PLSCR5: variants seen among roughly 807,000 people sequenced by gnomAD.
The protein encoded by PLSCR5 is phospholipid scramblase family member 5, also known as phospholipid scramblase family, member 5.
PLSCR5 carries 44 observed loss-of-function variants against 33.6 expected under a neutral mutation model. That is an observed-to-expected ratio of 1.31 (90% CI 1.03 to 1.69). PLSCR5 has a LOEUF of 1.69. PLSCR5 is among the 40% of genes most tolerant of loss of function. The pLI is 0.00. For synonymous variants in PLSCR5, 148 were observed against 112.3 expected (o/e 1.32, Z -2.01); for missense variants, 375 against 318.7 (o/e 1.18, Z -1.34).
At chr3:146,599,466 A>G (rs2044791477) in intron 2 of PLSCR5, among the ~76,000 whole-genome samples, 1 of 151,574 alleles carries the variant, frequency 6.6e-6, no homozygotes, top group Non-Finnish European at 1.5e-5. Flanking sequence ...ACAAATTACA[A>G]TAGTGTGTTT....
intron 2 of PLSCR5, among the ~76,000 whole-genome samples, chr3:146,597,578 T>C (rs2044772289): frequency 6.6e-6 from 1 of 152,210 alleles, no homozygotes; most frequent in African/African-American, 2.4e-5. Flanking sequence ...CTCCTGGATT[T>C]AAGGGAGTTG....
At chr3:146,585,564 TAAAC>T (rs992960053), downstream of PLSCR5, among the ~76,000 whole-genome samples, 1 of 152,100 alleles carries the variant, frequency 6.6e-6, no homozygotes, top group Non-Finnish European at 1.5e-5. Context: ...AGAAAATTAA[TAAAC>T]AAAGTATAAA....
chr3:146,585,925 C>A lies in PLSCR5; in HGVS notation c.*62G>T. 2 of 785,354 alleles carry A rather than the reference C, an allele frequency of 2.5e-6. No homozygotes were observed. The highest frequency in any genetic ancestry group is 3.7e-6 in the Non-Finnish European group (2 of 542,574). The allele number at this position is 785,354 out of a possible 1,614,324, so 48.6% of individuals were successfully genotyped here. Reference sequence around the variant, plus strand: ...CATTCAAACCATTCAGAAATGAAATCCAGAGCCCAAGGGATTTCTAGAAGA... The same window carrying A: ...CATTCAAACCATTCAGAAATGAAATACAGAGCCCAAGGGATTTCTAGAAGA... On this transcript the variant is annotated 3_prime_UTR_variant, in exon 8 of 8. Coordinates refer to ENST00000443512, the MANE Select transcript of PLSCR5 (RefSeq NM_001085420.2).
intron 2 of PLSCR5, among the ~76,000 whole-genome samples, chr3:146,597,354 TTAAG>T (rs1449276464): frequency 1.3e-5 from 2 of 152,110 alleles, no homozygotes; most frequent in African/African-American, 4.8e-5. Context: ...CCCACAGAGA[TTAAG>T]TAATTTGCCC....
chr3:146,587,427 G>A (rs1180634204), intron 6 of PLSCR5, among the ~76,000 whole-genome samples: 1 of 152,154 alleles, frequency 6.6e-6, no homozygotes, highest in Non-Finnish European at 1.5e-5. Flanking sequence ...CTATCAGCTT[G>A]TTATGTAAAA....
intron 4 of PLSCR5, 54 bp from the exon 5 acceptor site, chr3:146,591,935 T>C: frequency 7.1e-7 from 1 of 1,403,600 alleles, no homozygotes; most frequent in Non-Finnish European, 9.6e-7. Flanking sequence ...CATATTTTAA[T>C]TTTACTATAA....
chr3:146,582,187 G>T (rs984568698), downstream of PLSCR5, among the ~76,000 whole-genome samples: 4 of 152,174 alleles, frequency 2.6e-5, no homozygotes, highest in African/African-American at 9.7e-5. Context: ...GTGGGTCCTG[G>T]GTTGAATTCT....
intron 5 of PLSCR5, 120 bp from the exon 6 acceptor site, chr3:146,589,934 A>T (rs61254159): frequency 5.0e-6 from 3 of 600,288 alleles, no homozygotes; most frequent in Non-Finnish European, 7.9e-6. Flanking sequence ...CAAAATGACA[A>T]TTCCATGTTA....
chr3:146,577,135 A>G (rs1347834458), intron 7 of PLSCR5, among the ~76,000 whole-genome samples: 4 of 152,112 alleles, frequency 2.6e-5, no homozygotes, highest in Admixed American at 6.6e-5. Context: ...TCAACATACG[A>G]TAAGTTGATT....
intron 2 of PLSCR5, among the ~76,000 whole-genome samples, chr3:146,598,215 C>T (rs2044779285): frequency 6.6e-6 from 1 of 151,692 alleles, no homozygotes; most frequent in Non-Finnish European, 1.5e-5. Flanking sequence ...CCTGTTTATT[C>T]ATTGATTAAT....
downstream of PLSCR5, among the ~76,000 whole-genome samples, chr3:146,584,459 A>G (rs2044652904): frequency 6.6e-6 from 1 of 152,180 alleles, no homozygotes; most frequent in Non-Finnish European, 1.5e-5. Context: ...AATGAAGGTG[A>G]TACCAGTTAC....
rs919261359 is a variant in PLSCR5 at position 146,589,668 on chromosome 3, A to G, written c.762T>C (p.Gly254=). Reference sequence around the variant, plus strand: ...CCATACTTACAAAGAGAAAACAGGCACCGATCATTGCTGCTTTGACTGTTA... The same window carrying G: ...CCATACTTACAAAGAGAAAACAGGCGCCGATCATTGCTGCTTTGACTGTTA... ...LDVTVKAAMI[G]ACFLFDFMFF... Residue 254 remains glycine (G), a synonymous_variant, in exon 6 of 8, where the codon GGT becomes GGC. Transcript: ENST00000443512. 2 of 1,589,290 alleles carry G rather than the reference A, an allele frequency of 1.3e-6. No individual in the cohort carries two copies. The highest frequency in any genetic ancestry group is 1.7e-6 in the Non-Finnish European group (2 of 1,164,074).
intron 1 of PLSCR5, among the ~76,000 whole-genome samples, chr3:146,602,133 C>T (rs755520288): frequency 4.6e-5 from 7 of 151,974 alleles, no homozygotes; most frequent in Non-Finnish European, 8.8e-5. Flanking sequence ...GCAAGTACCC[C>T]CACCCTGAAC....
intron 7 of PLSCR5, among the ~76,000 whole-genome samples, chr3:146,577,795 GAATA>G (rs1381721896): frequency 6.6e-6 from 1 of 152,066 alleles, no homozygotes; most frequent in Non-Finnish European, 1.5e-5. Context: ...AGAACAAAAT[GAATA>G]CTCAATAGAA....
At chr3:146,579,344 A>C (rs2044618760) in intron 7 of PLSCR5, among the ~76,000 whole-genome samples, 1 of 152,208 alleles carries the variant, frequency 6.6e-6, no homozygotes, top group Non-Finnish European at 1.5e-5. Context: ...TAAAGAAACA[A>C]TAATATAAAA....
intron 7 of PLSCR5, among the ~76,000 whole-genome samples, chr3:146,578,204 G>T (rs1299576440): frequency 1.3e-4 from 19 of 151,966 alleles, no homozygotes; most frequent in Admixed American, 1.2e-3. Flanking sequence ...GTTTAATAAA[G>T]TTTTTTATTA....
At chr3:146,594,373 T>A (rs17367522) in intron 3 of PLSCR5, among the ~76,000 whole-genome samples, 13,904 of 152,116 alleles carry the variant, frequency 0.091, 847 homozygotes, top group Middle Eastern at 0.15. Flanking sequence ...TCCAGATATA[T>A]GACCTACTTG....
chr3:146,584,873 T>C (rs1370943425), downstream of PLSCR5, among the ~76,000 whole-genome samples: 1 of 152,176 alleles, frequency 6.6e-6, no homozygotes. Context: ...AACAGATGTT[T>C]AGCATACATT....
intron 2 of PLSCR5, among the ~76,000 whole-genome samples, chr3:146,596,977 C>A (rs2044766655): frequency 6.6e-6 from 1 of 152,034 alleles, no homozygotes; most frequent in East Asian, 1.9e-4. Flanking sequence ...TGCATTAGTT[C>A]TGTTATCTTC....
Sources: gnomAD v4.1 joint callset for allele counts (sites outside exome capture counted in the v4.1 genomes callset) on GRCh38, gnomAD v4.1.1 for gene constraint, MANE v1.5 for transcripts, NCBI Gene and HGNC (gene_info 2026-07-23, HGNC 2026-07-21) for gene names.